Variants in DAAM1 observed in about 807,000 individuals in gnomAD.
DAAM1 encodes the protein dishevelled associated activator of morphogenesis 1.
Under a neutral mutation model 130.0 loss-of-function variants are expected in DAAM1, and 52 were observed. The ratio of observed to expected loss-of-function variants is 0.40; its 90% confidence interval spans 0.32 to 0.50. The LOEUF (loss-of-function observed/expected upper bound fraction) is 0.50. Among genes scored for constraint, DAAM1 ranks in the 20% least tolerant of loss-of-function variants. The pLI, the probability that DAAM1 is intolerant of heterozygous loss-of-function variation, is 0.61. For synonymous variants in DAAM1, 452 were observed against 444.5 expected (o/e 1.02, Z -0.21); for missense variants, 1,134 against 1,303.8 (o/e 0.87, Z 2.01).
chr14:59,331,669 A>T (rs949258355), intron 14 of DAAM1, 144 bp from the exon 15 acceptor site: 116 of 1,499,716 alleles, frequency 7.7e-5, no homozygotes, highest in Non-Finnish European at 1.8e-5. Flanking sequence ...AGCTTCTGAA[A>T]TAAATGACAC....
At chr14:59,342,638 A>G (rs1253034) in intron 16 of DAAM1, among the ~76,000 whole-genome samples, 150,046 of 152,254 alleles carry the variant, frequency 0.99, 73,973 homozygotes, top group East Asian at 1. Flanking sequence ...GCCATAGGAC[A>G]TACCAAAAGT....
chr14:59,327,929 A>G (rs1359059505), intron 12 of DAAM1, among the ~76,000 whole-genome samples: 1 of 152,232 alleles, frequency 6.6e-6, no homozygotes, highest in African/African-American at 2.4e-5. Context: ...ATACAGAGAA[A>G]TGTATGTAAT....
chr14:59,254,145 A>G (rs1394654901), intron 1 of DAAM1, among the ~76,000 whole-genome samples: 3 of 152,198 alleles, frequency 2.0e-5, no homozygotes, highest in Admixed American at 6.5e-5. Flanking sequence ...AGGCAGCCAC[A>G]TTTACCTGTA....
chr14:59,347,638 G>A lies in DAAM1; in HGVS notation c.2160+15G>A. ...TGTTGGAACAGGTGAGCTACCAGAT[G>A]TATCTGAGAGCAGAAGTGAAAAGCG... On this transcript the variant is annotated intron_variant, in intron 17 of 24. Coordinates refer to ENST00000360909, the MANE Select transcript of DAAM1 (RefSeq NM_001270520.2). 6.2e-7 allele frequency: 1 copy of A among 1,612,106 alleles called. No homozygotes were observed. Among genetic ancestry groups the A allele is most frequent in the East Asian group, 2.2e-5 (1 of 44,758 alleles).
intron 1 of DAAM1, among the ~76,000 whole-genome samples, chr14:59,262,286 TAA>T (rs1303818398): frequency 2.6e-5 from 4 of 152,262 alleles, no homozygotes; most frequent in African/African-American, 9.6e-5. Flanking sequence ...ATGACGTTTT[TAA>T]AAAGACGCAA....
intron 1 of DAAM1, among the ~76,000 whole-genome samples, chr14:59,262,675 TGTGTGTGTGTG>T: frequency 6.6e-6 from 1 of 151,368 alleles, no homozygotes; most frequent in Non-Finnish European, 1.5e-5. Flanking sequence ...TGTGTGTGTG[TGTGTGTGTGTG>T]TGTGTGTGTG....
intron 1 of DAAM1, among the ~76,000 whole-genome samples, chr14:59,208,087 C>T (rs1194060588): frequency 6.6e-6 from 1 of 151,970 alleles, no homozygotes; most frequent in Non-Finnish European, 1.5e-5. Context: ...TGCATTCTGC[C>T]CCCAATTAAA....
chr14:59,275,631 C>T (rs375974510), intron 2 of DAAM1, among the ~76,000 whole-genome samples: 194 of 152,122 alleles, frequency 1.3e-3, no homozygotes, highest in Middle Eastern at 6.8e-3. Flanking sequence ...TCTAGTTTAA[C>T]GGTAAAAAAG....
chr14:59,208,840 A>G (rs1594757898), intron 1 of DAAM1, among the ~76,000 whole-genome samples: 2 of 152,164 alleles, frequency 1.3e-5, no homozygotes, highest in Middle Eastern at 6.8e-3. Flanking sequence ...TTCAGGCAGG[A>G]TATGGTTGTT....
rs1404199086 is a variant in DAAM1 at position 59,324,147 on chromosome 14, A to G, written c.794A>G (p.Asp265Gly). The G allele has an allele frequency of 7.1e-7, 1 of 1,414,366 alleles. No individual in the cohort carries two copies. The highest frequency in any genetic ancestry group is 2.5e-5 in the Admixed American group (1 of 40,628). 87.6% of individuals were successfully genotyped at this position (1,414,366 alleles called of 1,614,324 possible). The change falls in exon 7 of 25, where the codon GAT (aspartate) becomes GGT (glycine). Residue 265 changes from aspartate (D) to glycine (G), a missense_variant. Around this residue, in one of 3 missense-constraint regions of DAAM1, gnomAD observed 391 missense variants for 521.6 expected, o/e 0.75. Coordinates refer to ENST00000360909, the MANE Select transcript of DAAM1 (RefSeq NM_001270520.2). ...TGATAGACATTAATTAACGACTTGG[A>G]TAAAAGCACTGGGCGGTATCGAGAT... ...TRFQTLINDL[D>G]KSTGRYRDEV...
intron 15 of DAAM1, among the ~76,000 whole-genome samples, chr14:59,332,945 T>C (rs1456014067): frequency 2.2e-4 from 33 of 151,956 alleles, no homozygotes; most frequent in Non-Finnish European, 2.9e-5. Context: ...GGGTGGAGCA[T>C]CCTTAAACAA....
At chr14:59,264,372 G>A (rs1941147330) in intron 2 of DAAM1, 1 of 152,204 alleles carries the variant, frequency 6.6e-6, no homozygotes, top group African/African-American at 2.4e-5. Flanking sequence ...TAGTTTAAAG[G>A]GGTGCTAGCA....
rs142830537 is a variant in DAAM1 at position 59,218,358 on chromosome 14, A to G, written c.-38+29590A>G. On this transcript the variant is annotated intron_variant, in intron 1 of 24. Coordinates refer to ENST00000360909, the MANE Select transcript of DAAM1 (RefSeq NM_001270520.2). ...ACAGCAAAACAGAAGCTTTGCTTAG[A>G]TGAGTTCAGGTACTGGAAAATTGCT... Among the ~76,000 whole-genome samples the G allele has an allele frequency of 2.0e-3, 309 of 152,296 alleles. 1 individual carries two copies. Among genetic ancestry groups the G allele is most frequent in the African/African-American group, 7.2e-3 (301 of 41,562 alleles).
intron 2 of DAAM1, among the ~76,000 whole-genome samples, chr14:59,285,287 C>T (rs551220671): frequency 1.3e-4 from 20 of 152,178 alleles, no homozygotes; most frequent in Admixed American, 3.9e-4. Flanking sequence ...ATTAGACCTG[C>T]GTTACAAGAT....
At chr14:59,261,454 A>G (rs1477608815) in intron 1 of DAAM1, among the ~76,000 whole-genome samples, 1 of 152,202 alleles carries the variant, frequency 6.6e-6, no homozygotes. Context: ...ATGTCTCAGT[A>G]TGACCTTGCA....
At chr14:59,191,791 G>C (rs1278683797) in intron 1 of DAAM1, among the ~76,000 whole-genome samples, 1 of 152,124 alleles carries the variant, frequency 6.6e-6, no homozygotes, top group Non-Finnish European at 1.5e-5. Flanking sequence ...GAGACACCAA[G>C]AGAAAGATAC....
chr14:59,318,971 T>C (rs934910442), intron 4 of DAAM1, among the ~76,000 whole-genome samples: 1 of 152,216 alleles, frequency 6.6e-6, no homozygotes, highest in Non-Finnish European at 1.5e-5. Flanking sequence ...TTTTGTGTCA[T>C]TAAGCTTAGG....
intron 14 of DAAM1, 95 bp from the exon 15 acceptor site, chr14:59,331,718 G>A (rs1885448751): frequency 6.6e-7 from 1 of 1,505,454 alleles, no homozygotes; most frequent in African/African-American, 1.4e-5. Flanking sequence ...CTGGTAGACT[G>A]AAAAATTTGG....
At chr14:59,289,436 T>C (rs1266210) in intron 2 of DAAM1, among the ~76,000 whole-genome samples, 21,260 of 152,032 alleles carry the variant, frequency 0.14, 1,676 homozygotes, top group Middle Eastern at 0.2. Context: ...CAATGAGATA[T>C]CATACCATCA....
Sources: allele counts gnomAD v4.1 joint callset (sites outside exome capture counted in the v4.1 genomes callset), GRCh38; gene constraint gnomAD v4.1.1; regional missense constraint gnomAD v4.1.1; transcripts MANE v1.5; gene names NCBI Gene and HGNC (gene_info 2026-07-23, HGNC 2026-07-21).